Variants in ENAH observed in about 807,000 individuals in gnomAD.
ENAH encodes the protein ENAH actin regulator, also known as protein enabled homolog.
ENAH carries 23 observed loss-of-function variants against 78.7 expected under a neutral mutation model. The ratio of observed to expected loss-of-function variants is 0.29; its 90% CI spans 0.21 to 0.41. The LOEUF is 0.41. Ranked by LOEUF, ENAH falls within the 10% of genes least tolerant of loss-of-function variation. The pLI is 1.00. For synonymous variants in ENAH, 226 were observed against 241.0 expected (o/e 0.94, Z 0.58); for missense variants, 544 against 691.0 (o/e 0.79, Z 2.39).
intron 1 of ENAH, among the ~76,000 whole-genome samples, chr1:225,605,145 A>ATTGTATT (rs2096950523): frequency 6.6e-6 from 1 of 152,250 alleles, no homozygotes; most frequent in South Asian, 2.1e-4. Context: ...GGTAAATACA[A>ATTGTATT]TTGTAGATTG....
chr1:225,571,260 C>T (rs1456284606), intron 1 of ENAH, among the ~76,000 whole-genome samples: 2 of 152,102 alleles, frequency 1.3e-5, no homozygotes, highest in South Asian at 2.1e-4. Flanking sequence ...GTGGTCCCAG[C>T]TACTCGAGTG....
chr1:225,602,621 T>A (rs1558890600), intron 1 of ENAH, among the ~76,000 whole-genome samples: 4 of 151,602 alleles, frequency 2.6e-5, no homozygotes. Context: ...TTAGCAAAGG[T>A]TATATATATA....
At chr1:225,604,116 TGA>T (rs1047928793) in intron 1 of ENAH, among the ~76,000 whole-genome samples, 14 of 152,336 alleles carry the variant, frequency 9.2e-5, no homozygotes, top group Middle Eastern at 3.4e-3. Flanking sequence ...CTACACACTA[TGA>T]GTAATAACAC....
chr1:225,650,433 T>C (rs1318729165), intron 1 of ENAH, among the ~76,000 whole-genome samples: 1 of 152,186 alleles, frequency 6.6e-6, no homozygotes, highest in Non-Finnish European at 1.5e-5. Context: ...AAGACATAAT[T>C]TACCTGTGAC....
intron 1 of ENAH, among the ~76,000 whole-genome samples, chr1:225,598,286 G>A (rs2096912480): frequency 6.6e-6 from 1 of 151,110 alleles, no homozygotes; most frequent in Non-Finnish European, 1.5e-5. Context: ...TTTTCTAAAA[G>A]ATAATCTACC....
intron 1 of ENAH, among the ~76,000 whole-genome samples, chr1:225,569,735 T>C (rs1037084694): frequency 1.3e-5 from 2 of 152,120 alleles, no homozygotes; most frequent in African/African-American, 4.8e-5. Flanking sequence ...TGAAAAGAAA[T>C]CTTCAAAATG....
intron 1 of ENAH, among the ~76,000 whole-genome samples, chr1:225,595,624 T>C (rs1205713865): frequency 6.6e-6 from 1 of 152,226 alleles, no homozygotes. Flanking sequence ...TCTTCATTTG[T>C]AGCAGCTGAC....
chr1:225,555,116 C>A (rs755858562), intron 2 of ENAH, 33 bp from the exon 3 acceptor site: 1 of 1,473,192 alleles, frequency 6.8e-7, no homozygotes, highest in Non-Finnish European at 9.2e-7. Flanking sequence ...AAAGTCAAAC[C>A]AATAATTGGC....
rs1209568327 is a variant in ENAH at position 225,489,567 on chromosome 1, A to G, written c.*8208T>C. On this transcript the variant is annotated 3_prime_UTR_variant, in exon 14 of 14. Transcript: ENST00000366843. ...TTTTTCTCCTTCTCTTCAAAGATCA[A>G]AAGAAGAATAAACCAAAAAAGATTA... 6.6e-6 allele frequency: 1 copy of G among 151,938 alleles called. No homozygotes were observed. The highest frequency in any genetic ancestry group is 2.4e-5 in the African/African-American group (1 of 41,400). The allele number at this position is 151,938 out of a possible 1,614,324, so 9.4% of individuals were successfully genotyped here.
intron 1 of ENAH, among the ~76,000 whole-genome samples, chr1:225,625,131 T>C (rs997501527): frequency 2.6e-5 from 4 of 152,358 alleles, no homozygotes; most frequent in African/African-American, 9.6e-5. Context: ...AAATGGGTTT[T>C]CATTCCAAGA....
intron 3 of ENAH, among the ~76,000 whole-genome samples, chr1:225,534,076 C>T (rs1003586148): frequency 1.3e-5 from 2 of 152,040 alleles, no homozygotes; most frequent in South Asian, 2.1e-4. Flanking sequence ...CATTATTCTG[C>T]GTATGGACCT....
chr1:225,586,621 C>T (rs1220423935), intron 1 of ENAH, among the ~76,000 whole-genome samples: 1 of 152,096 alleles, frequency 6.6e-6, no homozygotes, highest in Non-Finnish European at 1.5e-5. Flanking sequence ...AAAATACTAA[C>T]ACATCATGAC....
chr1:225,602,627 A>G (rs1468789042), intron 1 of ENAH, among the ~76,000 whole-genome samples: 1 of 152,120 alleles, frequency 6.6e-6, no homozygotes, highest in East Asian at 1.9e-4. Flanking sequence ...AAGGTTATAT[A>G]TATATATCAA....
intron 1 of ENAH, among the ~76,000 whole-genome samples, chr1:225,573,396 T>C (rs1472524202): frequency 6.6e-6 from 1 of 152,044 alleles, no homozygotes; most frequent in Non-Finnish European, 1.5e-5. Flanking sequence ...AATTGCTCCT[T>C]CCTCCGAGTT....
intron 1 of ENAH, among the ~76,000 whole-genome samples, chr1:225,606,339 G>A (rs1177955200): frequency 1.3e-5 from 2 of 151,770 alleles, no homozygotes; most frequent in African/African-American, 2.4e-5. Flanking sequence ...GCAGGCACCT[G>A]TAATCCCAGC....
intron 4 of ENAH, among the ~76,000 whole-genome samples, chr1:225,530,310 T>C (rs74149833): frequency 0.013 from 2,030 of 152,298 alleles, 54 homozygotes; most frequent in African/African-American, 0.045. Context: ...ATTTACAATA[T>C]TTTAAACATA....
intron 4 of ENAH, among the ~76,000 whole-genome samples, chr1:225,520,429 T>C (rs2096458195): frequency 1.3e-5 from 2 of 152,180 alleles, no homozygotes; most frequent in Non-Finnish European, 2.9e-5. Context: ...TATATACACA[T>C]ACGCGCACAC....
At position 225,530,578 on chromosome 1, in the gene ENAH, T is replaced by C; in HGVS notation, c.410A>G (p.Gln137Arg). The C allele has an allele frequency of 6.2e-7, 1 of 1,613,468 alleles. No individual in the cohort carries two copies. The highest frequency in any genetic ancestry group is 8.5e-7 in the Non-Finnish European group (1 of 1,179,510). Residue 137 changes from glutamine to arginine, a missense_variant, in exon 4 of 14, where the codon CAA becomes CGA. This residue lies in a region of ENAH where 366 missense variants were observed against 396.1 expected (regional missense o/e 0.92). Transcript: ENST00000366843. ...LPAQVQNGPS[Q>R]EELEIQRRQL... Reference sequence around the variant, plus strand: ...CCTTCTTTGAATTTCCAATTCTTCTTGGGATGGGCCATTTTGAACTTGAGC... The same window carrying C: ...CCTTCTTTGAATTTCCAATTCTTCTCGGGATGGGCCATTTTGAACTTGAGC...
rs187635110 is a variant in ENAH at position 225,502,223 on chromosome 1, T to C, written c.1539-1153A>G. ...TGCTTTTTGTTGTTGTTGTTGCTGCTGTTTATGAGATGCAGTCTTGCTGTG... is the reference window on the plus strand; with the variant it reads ...TGCTTTTTGTTGTTGTTGTTGCTGCCGTTTATGAGATGCAGTCTTGCTGTG... On this transcript the variant is annotated intron_variant, in intron 11 of 13. Coordinates refer to ENST00000366843, the MANE Select transcript of ENAH (RefSeq NM_018212.6). Among the ~76,000 whole-genome samples, 280 of 152,344 alleles carry C rather than the reference T, an allele frequency of 1.8e-3. 1 individual carries two copies. The highest frequency in any genetic ancestry group is 3.0e-3 in the Non-Finnish European group (204 of 68,018).
Sources: allele counts gnomAD v4.1 joint callset (sites outside exome capture counted in the v4.1 genomes callset), GRCh38; gene constraint gnomAD v4.1.1; regional missense constraint gnomAD v4.1.1; transcripts MANE v1.5; gene names NCBI Gene and HGNC (gene_info 2026-07-23, HGNC 2026-07-21).